ATG7: variants seen among roughly 807,000 people sequenced by gnomAD.
The protein encoded by ATG7 is autophagy related 7.
A neutral mutation model predicts 82.4 loss-of-function variants in ATG7; 70 were observed. The observed-to-expected ratio is 0.85, with a 90% CI of 0.70 to 1.04. The LOEUF is 1.04. Ranked by LOEUF, ATG7 falls within the 50% of genes least tolerant of loss-of-function variation. The pLI, the probability that ATG7 is intolerant of heterozygous loss-of-function variation, is 0.00. For synonymous variants in ATG7, 287 were observed against 313.0 expected (o/e 0.92, Z 0.88); for missense variants, 792 against 864.3 (o/e 0.92, Z 1.05).
At chr3:11,497,357 C>CTATATATATATGTATATATATATATATA (rs1281826628) in intron 20 of ATG7, among the ~76,000 whole-genome samples, 4 of 57,294 alleles carry the variant, frequency 7.0e-5, no homozygotes, top group African/African-American at 2.0e-4. Flanking sequence ...ACTAAAAATA[C>CTATATATATATGTATATATATATATATA]TATATATATA....
chr3:11,553,738 GCTGCCTCCCCTCAGC>G (rs1232673580), intron 20 of ATG7, among the ~76,000 whole-genome samples: 1 of 152,216 alleles, frequency 6.6e-6, no homozygotes, highest in African/African-American at 2.4e-5. Context: ...CAGTGAGAAG[GCTGCCTCCCCTCAGC>G]CTGGGAGCTG....
intron 20 of ATG7, among the ~76,000 whole-genome samples, chr3:11,463,772 C>T (rs1009922377): frequency 1.6e-4 from 25 of 152,222 alleles, no homozygotes; most frequent in Non-Finnish European, 4.4e-5. Flanking sequence ...TAATCCATAG[C>T]TTCAGTTGCC....
At chr3:11,353,008 T>G (rs943200843) in intron 14 of ATG7, among the ~76,000 whole-genome samples, 8 of 152,214 alleles carry the variant, frequency 5.3e-5, no homozygotes, top group African/African-American at 1.9e-4. Flanking sequence ...TTAGAAAGAT[T>G]GGTTTTATTA....
At chr3:11,460,288 CT>C (rs2086181928) in intron 20 of ATG7, among the ~76,000 whole-genome samples, 1 of 152,234 alleles carries the variant, frequency 6.6e-6, no homozygotes, top group Non-Finnish European at 1.5e-5. Context: ...CATGTGTCCT[CT>C]TGTCCTTCGG....
intron 20 of ATG7, among the ~76,000 whole-genome samples, chr3:11,452,170 A>AGGTC: frequency 6.6e-6 from 1 of 152,112 alleles, no homozygotes; most frequent in South Asian, 2.1e-4. Context: ...GATTACCCTG[A>AGGTC]GGTCAGGCAT....
intron 6 of ATG7, among the ~76,000 whole-genome samples, chr3:11,307,413 A>C (rs1330792516): frequency 6.6e-6 from 1 of 152,166 alleles, no homozygotes; most frequent in Admixed American, 6.5e-5. Context: ...CACTCTGTTT[A>C]TTGTGCCTTG....
intron 20 of ATG7, among the ~76,000 whole-genome samples, chr3:11,532,568 C>A (rs2092713266): frequency 1.3e-5 from 2 of 152,080 alleles, no homozygotes; most frequent in Non-Finnish European, 2.9e-5. Flanking sequence ...TCATAAAATT[C>A]AAAAATTAGC....
intron 20 of ATG7, among the ~76,000 whole-genome samples, chr3:11,476,607 G>A (rs1380099802): frequency 6.6e-6 from 1 of 152,142 alleles, no homozygotes; most frequent in Non-Finnish European, 1.5e-5. Context: ...GTACAAGGTA[G>A]ATGGAATGGT....
chr3:11,369,071 A>G (rs887951209), intron 18 of ATG7, among the ~76,000 whole-genome samples: 2 of 150,800 alleles, frequency 1.3e-5, no homozygotes, highest in Non-Finnish European at 3.0e-5. Flanking sequence ...GCTGAGGTGG[A>G]GCTGGGATCT....
the ATG7 span, among the ~76,000 whole-genome samples, chr3:11,574,070 TC>T: frequency 6.6e-6 from 1 of 152,058 alleles, no homozygotes; most frequent in Non-Finnish European, 1.5e-5. Context: ...CCCACAGCCC[TC>T]AGAAGCAGCC....
Position 11,554,975 on chromosome 3 carries a change from C to A in ATG7, c.*132C>A. The A allele has an allele frequency of 8.6e-7, 1 of 1,156,788 alleles. No individual in the cohort carries two copies. Among genetic ancestry groups the A allele is most frequent in the South Asian group, 1.6e-5 (1 of 63,714 alleles). The allele number at this position is 1,156,788 out of a possible 1,614,324, so 71.7% of individuals were successfully genotyped here. On this transcript the variant is annotated 3_prime_UTR_variant, in exon 21 of 21. Transcript: ENST00000693202. ...CCATACCCCGAGGTCTGGGATTCCCCCCTCTGCTGCCCAGGAGTGGCCAGT... is the reference window on the plus strand; with the variant it reads ...CCATACCCCGAGGTCTGGGATTCCCACCTCTGCTGCCCAGGAGTGGCCAGT...
chr3:11,466,729 G>C (rs552657020), intron 20 of ATG7, among the ~76,000 whole-genome samples: 2 of 152,312 alleles, frequency 1.3e-5, no homozygotes, highest in Admixed American at 1.3e-4. Context: ...ATCATCTATA[G>C]AAACTCAACT....
intron 19 of ATG7, among the ~76,000 whole-genome samples, chr3:11,383,218 C>T (rs886373450): frequency 1.3e-5 from 2 of 152,214 alleles, no homozygotes; most frequent in African/African-American, 2.4e-5. Context: ...ATTTAGTTGT[C>T]GTGTCTCTGG....
intron 20 of ATG7, among the ~76,000 whole-genome samples, chr3:11,481,277 G>A (rs898818500): frequency 1.5e-4 from 23 of 152,194 alleles, no homozygotes; most frequent in African/African-American, 5.3e-4. Context: ...TGCACTTAAC[G>A]CTACTGAACT....
At chr3:11,520,873 G>A (rs952430822) in intron 20 of ATG7, among the ~76,000 whole-genome samples, 4 of 152,198 alleles carry the variant, frequency 2.6e-5, no homozygotes, top group African/African-American at 9.7e-5. Flanking sequence ...ATTCTTCCCT[G>A]AGAAGTAGGC....
At chr3:11,380,563 C>G (rs1050859813) in intron 19 of ATG7, among the ~76,000 whole-genome samples, 1 of 152,168 alleles carries the variant, frequency 6.6e-6, no homozygotes, top group East Asian at 1.9e-4. Flanking sequence ...GGTATGTTAG[C>G]CATCGTAATG....
At chr3:11,339,309 A>G (rs1296074148) in intron 11 of ATG7, among the ~76,000 whole-genome samples, 11 of 132,212 alleles carry the variant, frequency 8.3e-5, no homozygotes, top group African/African-American at 2.7e-4. Context: ...AAAAAAAAAA[A>G]AAAAGAAAAG....
chr3:11,297,883 GTGTC>G (rs1559346114), intron 3 of ATG7, among the ~76,000 whole-genome samples: 2 of 152,194 alleles, frequency 1.3e-5, no homozygotes, highest in African/African-American at 4.8e-5. Context: ...TTCTGAGACA[GTGTC>G]TGTGTCGAAG....
At chr3:11,304,768 T>C (rs536061773) in intron 5 of ATG7, 2 of 152,346 alleles carry the variant, frequency 1.3e-5, no homozygotes, top group African/African-American at 4.8e-5. Flanking sequence ...ACTAGGTTAG[T>C]ATACGCATTA....
Sources: gnomAD v4.1 joint callset for allele counts (sites outside exome capture counted in the v4.1 genomes callset) on GRCh38, gnomAD v4.1.1 for gene constraint, MANE v1.5 for transcripts, NCBI Gene and HGNC (gene_info 2026-07-23, HGNC 2026-07-21) for gene names.